The following SPAG1 variants were observed in gnomAD, a reference collection of about 807,000 sequenced individuals.
SPAG1 encodes sperm-associated antigen 1.
SPAG1 carries 69 observed loss-of-function variants against 100.5 expected under a neutral mutation model. The ratio of observed to expected loss-of-function variants is 0.69; its 90% CI spans 0.57 to 0.84. SPAG1 has a LOEUF of 0.84. Among genes scored for constraint, SPAG1 ranks in the 40% least tolerant of loss-of-function variants. SPAG1 has a pLI of 0.00. For missense variants in SPAG1, 955 were observed against 1,133.1 expected, an observed-to-expected ratio of 0.84 and a Z score of 2.26; for synonymous variants, 336 against 411.6, an observed-to-expected ratio of 0.82 and a Z score of 2.22.
At chr8:100,236,590 CTA>C (rs1198070519) in intron 16 of SPAG1, among the ~76,000 whole-genome samples, 1 of 152,164 alleles carries the variant, frequency 6.6e-6, no homozygotes, top group Non-Finnish European at 1.5e-5. Context: ...CAGCTCAACT[CTA>C]TGTTTTCCTC....
intron 14 of SPAG1, among the ~76,000 whole-genome samples, chr8:100,226,626 C>A (rs1818525532): frequency 6.6e-6 from 1 of 151,826 alleles, no homozygotes; most frequent in Admixed American, 6.6e-5. Flanking sequence ...ATCCCGAGCC[C>A]AGGAAGGTTG....
Position 100,194,103 on chromosome 8 carries a change from A to G in SPAG1, c.940-9A>G, listed in dbSNP as rs976327634. The G allele has an allele frequency of 1.4e-6, 2 of 1,430,418 alleles. No homozygotes were observed. The highest frequency in any genetic ancestry group is 1.8e-4 in the Middle Eastern group (1 of 5,500). 88.6% of individuals were successfully genotyped at this position (1,430,418 alleles called of 1,614,324 possible). ...AAATATTTTCTTTAATATGGTAATT[A>G]TGTTGCAGAAAACCTTGTCAGAGGT... On this transcript the variant is annotated splice_polypyrimidine_tract_variant and intron_variant, in intron 9 of 18. Transcript: ENST00000388798.
chr8:100,201,296 T>A lies in SPAG1; in HGVS notation c.1096+7028T>A, dbSNP rs138098857. Among the ~76,000 whole-genome samples the A allele has an allele frequency of 7.6e-3, 1,153 of 152,084 alleles. 8 individuals carry two copies. Among genetic ancestry groups the A allele is most frequent in the African/African-American group, 0.026 (1,093 of 41,426 alleles). ...GCATCCCTGCCTAATTTTTTCATTT[T>A]TATTTTTTGTAGAGACAGGGGTCTC... On this transcript the variant is annotated intron_variant, in intron 10 of 18. Transcript: ENST00000388798.
At position 100,239,962 on chromosome 8, in the gene SPAG1, C is replaced by G. The variant is rs1037915206; in HGVS notation, c.2281-441C>G. On this transcript the variant is annotated intron_variant, in intron 17 of 18. Transcript: ENST00000388798. This position sits in a 1 kb window ranked among gnomAD's most constrained non-coding sequence, Gnocchi z 5.0. ...CCTGTACATTCATGAATGCTAATAC[C>G]CCATTTATAGTCTCACATTTCCACT... is the stretch of plus-strand genomic sequence containing the variant. Among the ~76,000 whole-genome samples the G allele has an allele frequency of 6.6e-6, 1 of 152,080 alleles. No individual in the cohort carries two copies. Among genetic ancestry groups the G allele is most frequent in the African/African-American group, 2.4e-5 (1 of 41,390 alleles).
At chr8:100,167,579 G>A (rs1156621190) in intron 3 of SPAG1, among the ~76,000 whole-genome samples, 1 of 152,172 alleles carries the variant, frequency 6.6e-6, no homozygotes, top group Non-Finnish European at 1.5e-5. Context: ...ACAGATAAGG[G>A]GAGGACTATT....
At chr8:100,158,536 C>G (rs1280081104), upstream of SPAG1, 4 of 152,236 alleles carry the variant, frequency 2.6e-5, no homozygotes, top group African/African-American at 9.7e-5. Context: ...GCGGTCGGCC[C>G]TGTGGATGCA....
rs777137396 is a variant in SPAG1 at position 100,220,322 on chromosome 8, C to T, written c.1579C>T (p.Arg527Trp). The T allele has an allele frequency of 4.7e-5, 76 of 1,613,780 alleles. No individual in the cohort carries two copies. The highest frequency in any genetic ancestry group is 5.8e-5 in the Non-Finnish European group (69 of 1,179,888). Residue 527 changes from arginine to tryptophan, a missense_variant, in exon 13 of 19, where the codon CGG becomes TGG. Physicochemically the swap from Arg to Trp is moderately radical, Grantham distance 101. Transcript: ENST00000388798. ...ATTCTCTATGAAACCTCTTCTGAGG[C>T]GGGCGATGGCCTATGAAACTCTAGA... is the stretch of plus-strand genomic sequence containing the variant. Reference protein sequence around the residue: ...HPFSMKPLLRRAMAYETLEQY... With the variant: ...HPFSMKPLLRWAMAYETLEQY...
intron 3 of SPAG1, among the ~76,000 whole-genome samples, chr8:100,166,795 C>CGAAT (rs1390628496): frequency 1.3e-5 from 2 of 151,980 alleles, no homozygotes; most frequent in Non-Finnish European, 2.9e-5. Context: ...TAATCCCAGC[C>CGAAT]ATTCAGGAGG....
chr8:100,233,882 G>C (rs1818886460), intron 16 of SPAG1, among the ~76,000 whole-genome samples: 1 of 152,220 alleles, frequency 6.6e-6, no homozygotes, highest in South Asian at 2.1e-4. Context: ...CCTCCGGCAA[G>C]GATTGCTGTT....
intron 7 of SPAG1, among the ~76,000 whole-genome samples, chr8:100,186,288 C>T (rs1816586742): frequency 6.6e-6 from 1 of 151,910 alleles, no homozygotes; most frequent in Admixed American, 6.6e-5. Flanking sequence ...CCAGGCTGGT[C>T]TCGAACCTCT....
intron 7 of SPAG1, among the ~76,000 whole-genome samples, chr8:100,185,564 A>C (rs562947697): frequency 6.6e-6 from 1 of 152,344 alleles, no homozygotes; most frequent in Admixed American, 6.5e-5. Flanking sequence ...CCCAAGGCCC[A>C]ACAAAGTACC....
intron 15 of SPAG1, among the ~76,000 whole-genome samples, chr8:100,232,718 A>G (rs1020207034): frequency 1.3e-5 from 2 of 152,126 alleles, no homozygotes; most frequent in Non-Finnish European, 2.9e-5. Flanking sequence ...AGCCAGAGGG[A>G]CTGTCTAAAA....
At chr8:100,230,282 G>A (rs1445933715) in intron 14 of SPAG1, among the ~76,000 whole-genome samples, 1 of 152,194 alleles carries the variant, frequency 6.6e-6, no homozygotes, top group Admixed American at 6.5e-5. Flanking sequence ...CAAAATAATT[G>A]CCAAGCAAAA....
At chr8:100,221,188 T>C (rs1818261090) in intron 13 of SPAG1, among the ~76,000 whole-genome samples, 3 of 152,240 alleles carry the variant, frequency 2.0e-5, no homozygotes, top group African/African-American at 2.4e-5. Flanking sequence ...TTGCAGGTGT[T>C]CATTGGCACC....
chr8:100,222,185 C>T (rs1818313105), intron 13 of SPAG1, among the ~76,000 whole-genome samples: 1 of 152,166 alleles, frequency 6.6e-6, no homozygotes, highest in Admixed American at 6.5e-5. Flanking sequence ...GAGGACTTGC[C>T]TCCTCTAGGA....
Position 100,168,687 on chromosome 8 carries a change from C to CTTTTTTTTTTTTTTTTTTTTTTTTTTTT in SPAG1, c.300+2725_300+2726insTTTTTTTTTTTTTTTTTTTTTTTTTTTT, listed in dbSNP as rs747506730. ...AGCATGAGCCACCATGCCCAGCCATCTTTTTTTTTTTGTTGTTGAGACAGA... is the reference window on the plus strand; with the variant it reads ...AGCATGAGCCACCATGCCCAGCCATCTTTTTTTTTTTTTTTTTTTTTTTTTTTTTTTTTTTTTTTGTTGTTGAGACAGA... On this transcript the variant is annotated intron_variant, in intron 3 of 18. Coordinates refer to ENST00000388798, the MANE Select transcript of SPAG1 (RefSeq NM_003114.5). Among the ~76,000 whole-genome samples the CTTTTTTTTTTTTTTTTTTTTTTTTTTTT allele has an allele frequency of 3.8e-3, 361 of 95,604 alleles. 87 individuals are homozygous for CTTTTTTTTTTTTTTTTTTTTTTTTTTTT. Among genetic ancestry groups the CTTTTTTTTTTTTTTTTTTTTTTTTTTTT allele is most frequent in the Middle Eastern group, 6.8e-3 (1 of 148 alleles). The allele number at this position is 95,604 out of a possible 152,430, so 62.7% of individuals were successfully genotyped here.
At chr8:100,210,129 G>C (rs1320277151) in intron 10 of SPAG1, among the ~76,000 whole-genome samples, 1 of 150,834 alleles carries the variant, frequency 6.6e-6, no homozygotes, top group Non-Finnish European at 1.5e-5. Flanking sequence ...TGTTGGCTCT[G>C]GGTTTTTCAT....
At chr8:100,232,588 T>C (rs1370472945) in intron 15 of SPAG1, among the ~76,000 whole-genome samples, 1 of 152,144 alleles carries the variant, frequency 6.6e-6, no homozygotes, top group African/African-American at 2.4e-5. Context: ...TTCTGTCTCC[T>C]TGCCACCATC....
intron 3 of SPAG1, among the ~76,000 whole-genome samples, chr8:100,172,777 G>A (rs1815933335): frequency 6.6e-6 from 1 of 151,312 alleles, no homozygotes; most frequent in Admixed American, 6.6e-5. Context: ...ATTTTTCTGG[G>A]GTTAAAAACA....
Sources: allele counts gnomAD v4.1 joint callset (sites outside exome capture counted in the v4.1 genomes callset), GRCh38; gene constraint gnomAD v4.1.1; non-coding constraint Gnocchi (gnomAD v3.1); transcripts MANE v1.5; gene names NCBI Gene and HGNC (gene_info 2026-07-23, HGNC 2026-07-21).